The following BTG3 variants were observed in gnomAD, a reference collection of about 807,000 sequenced individuals.
BTG3 encodes BTG anti-proliferation factor 3, also known as protein BTG3.
BTG3 carries 4 observed loss-of-function variants against 25.8 expected under a neutral mutation model. That is an observed-to-expected ratio of 0.16 (90% CI 0.08 to 0.36). The LOEUF is 0.36. BTG3 is among the 10% of genes least tolerant of loss of function. The pLI, the probability that BTG3 is intolerant of heterozygous loss-of-function variation, is 1.00. For synonymous variants in BTG3, 107 were observed against 99.9 expected, an observed-to-expected ratio of 1.07 and a Z score of -0.42; for missense variants, 201 against 304.9, an observed-to-expected ratio of 0.66 and a Z score of 2.54.
chr21:17,605,528 T>C (rs781113615), intron 2 of BTG3, among the ~76,000 whole-genome samples: 23 of 152,188 alleles, frequency 1.5e-4, no homozygotes, highest in Non-Finnish European at 3.2e-4. Flanking sequence ...AGGACACAGA[T>C]TCATTCATAT....
intron 2 of BTG3, 116 bp from the exon 3 acceptor site, chr21:17,605,113 T>C (rs1229547247): frequency 5.2e-5 from 60 of 1,160,398 alleles, no homozygotes; most frequent in Non-Finnish European, 6.8e-5. Context: ...AATACCCTGG[T>C]AGAGAACCTA....
At chr21:17,594,960 T>C (rs945271829) in intron 4 of BTG3, among the ~76,000 whole-genome samples, 1 of 151,370 alleles carries the variant, frequency 6.6e-6, no homozygotes, top group African/African-American at 2.4e-5. Flanking sequence ...TGTTTACCTA[T>C]GGAACAAACC....
chr21:17,605,605 C>T (rs1378395834), intron 2 of BTG3, among the ~76,000 whole-genome samples: 2 of 152,006 alleles, frequency 1.3e-5, no homozygotes, highest in African/African-American at 4.8e-5. Flanking sequence ...TTCTATTTAC[C>T]CAAGCACTTT....
intron 3 of BTG3, among the ~76,000 whole-genome samples, chr21:17,602,141 AG>A (rs1449176333): frequency 6.6e-6 from 1 of 152,160 alleles, no homozygotes; most frequent in Non-Finnish European, 1.5e-5. Context: ...GGGGAAAAAA[AG>A]GATGGCAGAA....
At chr21:17,595,728 A>G (rs1475144701) in intron 4 of BTG3, among the ~76,000 whole-genome samples, 1 of 152,056 alleles carries the variant, frequency 6.6e-6, no homozygotes, top group East Asian at 1.9e-4. Flanking sequence ...CAATGCTGCA[A>G]TGAATAACAG....
chr21:17,594,986 A>C (rs1429363338), intron 4 of BTG3, among the ~76,000 whole-genome samples: 1 of 151,606 alleles, frequency 6.6e-6, no homozygotes, highest in African/African-American at 2.4e-5. Context: ...GTGTATCCCT[A>C]AACCTAAAAT....
chr21:17,607,137 G>A (rs910544669), intron 2 of BTG3, among the ~76,000 whole-genome samples: 2 of 152,136 alleles, frequency 1.3e-5, no homozygotes, highest in African/African-American at 4.8e-5. Context: ...AAATGACTCA[G>A]TAATGATACT....
chr21:17,599,249 C>T (rs899672053), intron 3 of BTG3, among the ~76,000 whole-genome samples: 59 of 152,034 alleles, frequency 3.9e-4, no homozygotes, highest in African/African-American at 1.4e-3. Context: ...AATCACAACT[C>T]ACTGCAGACT....
intron 3 of BTG3, among the ~76,000 whole-genome samples, chr21:17,600,665 A>G (rs76557212): frequency 6.6e-6 from 1 of 152,056 alleles, no homozygotes; most frequent in Non-Finnish European, 1.5e-5. Context: ...TCAAAAAAAC[A>G]AAAAAACAAG....
At position 17,594,671 on chromosome 21, in the gene BTG3, G is replaced by T. The variant is rs543104076; in HGVS notation, c.520-339C>A. Among the ~76,000 whole-genome samples, 7 of 152,190 alleles carry T rather than the reference G, an allele frequency of 4.6e-5. No individual in the cohort carries two copies. In the South Asian group the frequency reaches 1.4e-3, roughly 32 times the overall value. ...GTGGTTTCCACAGCTGGCTAAGCCAGGAGTCACTTGGAGGCTTTTAAATAC... is the reference window on the plus strand; with the variant it reads ...GTGGTTTCCACAGCTGGCTAAGCCATGAGTCACTTGGAGGCTTTTAAATAC... On this transcript the variant is annotated intron_variant, in intron 4 of 4. Coordinates refer to ENST00000348354, the MANE Select transcript of BTG3 (RefSeq NM_006806.5).
At chr21:17,604,751 A>G in intron 3 of BTG3, 109 bp downstream of exon 3, 3 of 1,336,626 alleles carry the variant, frequency 2.2e-6, no homozygotes, top group Non-Finnish European at 3.0e-6. Flanking sequence ...AGAGAGTTAA[A>G]CCACCAGCTC....
rs1421644043 is a variant in BTG3, at chr21:17,609,472, T to C, written c.-8-320A>G. Among the ~76,000 whole-genome samples, 6 of 152,346 alleles carry C rather than the reference T, an allele frequency of 3.9e-5. No homozygotes were observed. In the East Asian group the frequency reaches 1.2e-3, roughly 29 times the overall value. ...ACTATAATAAATGATACGACATAGATGTTACTGTGTGTGTCAATATTTAGC... is the reference window on the plus strand; with the variant it reads ...ACTATAATAAATGATACGACATAGACGTTACTGTGTGTGTCAATATTTAGC... On this transcript the variant is annotated intron_variant, in intron 1 of 4. Transcript: ENST00000348354.
At chr21:17,603,757 T>C (rs1475290835) in intron 3 of BTG3, among the ~76,000 whole-genome samples, 1 of 152,190 alleles carries the variant, frequency 6.6e-6, no homozygotes, top group Non-Finnish European at 1.5e-5. Flanking sequence ...CCTTGTCACC[T>C]GGTCAACCAT....
chr21:17,605,937 A>G (rs1030502796), intron 2 of BTG3, among the ~76,000 whole-genome samples: 1 of 152,198 alleles, frequency 6.6e-6, no homozygotes, highest in Non-Finnish European at 1.5e-5. Context: ...ATACAAGTTA[A>G]TTGATGAATA....
intron 4 of BTG3, among the ~76,000 whole-genome samples, chr21:17,597,716 T>C (rs2061522479): frequency 8.4e-6 from 1 of 118,420 alleles, no homozygotes; most frequent in Admixed American, 9.8e-5. Flanking sequence ...CTAGGAAGAA[T>C]AATTCAACTG....
intron 4 of BTG3, among the ~76,000 whole-genome samples, chr21:17,594,788 AATG>A (rs112482577): frequency 0.083 from 12,651 of 152,000 alleles, 623 homozygotes; most frequent in African/African-American, 0.12. Context: ...AGTGGGAGGT[AATG>A]ATAAGAACTT....
At chr21:17,594,918 AAAT>A (rs1193905173) in intron 4 of BTG3, among the ~76,000 whole-genome samples, 2 of 152,048 alleles carry the variant, frequency 1.3e-5, no homozygotes, top group African/African-American at 2.4e-5. Context: ...CTGGGTGATG[AAAT>A]AATATGTACA....
At chr21:17,605,032 A>G in intron 2 of BTG3, 35 bp from the exon 3 acceptor site, 2 of 1,603,278 alleles carry the variant, frequency 1.2e-6, no homozygotes, top group Admixed American at 1.7e-5. Context: ...ATGGATTTAA[A>G]TGAATTTAAT....
chr21:17,605,023 T>C, intron 2 of BTG3, 26 bp from the exon 3 acceptor site: 1 of 1,606,422 alleles, frequency 6.2e-7, no homozygotes, highest in Non-Finnish European at 8.5e-7. Flanking sequence ...GTTACGTTAA[T>C]GGATTTAAAT....
Sources: gnomAD v4.1 joint callset for allele counts (sites outside exome capture counted in the v4.1 genomes callset) on GRCh38, gnomAD v4.1.1 for gene constraint, MANE v1.5 for transcripts, NCBI Gene and HGNC (gene_info 2026-07-23, HGNC 2026-07-21) for gene names.